The following GABRD variants were observed in gnomAD, a reference collection of about 807,000 sequenced individuals.
The protein encoded by GABRD is gamma-aminobutyric acid type A receptor subunit delta.
In GABRD, 25 loss-of-function variants were observed where a neutral mutation model predicts 47.3. The ratio of observed to expected loss-of-function variants is 0.53; its 90% CI spans 0.39 to 0.74. GABRD has a LOEUF of 0.74. Ranked by LOEUF, GABRD falls within the 30% of genes least tolerant of loss-of-function variation. The pLI, the probability that GABRD is intolerant of heterozygous loss-of-function variation, is 0.00. For missense variants in GABRD, 497 were observed against 643.4 expected, an observed-to-expected ratio of 0.77 and a Z score of 2.46; for synonymous variants, 314 against 278.8, an observed-to-expected ratio of 1.13 and a Z score of -1.26.
rs539803783 is a variant in GABRD, at chr1:2,024,562, C to A, written c.69-380C>A. ...CAGGGAGACCTCTTTGGTGAGGGACCCCAGGGGTGGAGACCCGAGGCCGGC... is the reference window on the plus strand; with the variant it reads ...CAGGGAGACCTCTTTGGTGAGGGACACCAGGGGTGGAGACCCGAGGCCGGC... On this transcript the variant is annotated intron_variant, in intron 1 of 8. Coordinates refer to ENST00000378585, the MANE Select transcript of GABRD (RefSeq NM_000815.5). 3.6e-5 allele frequency: 6 copies of A among 168,132 alleles called. No homozygotes were observed. In the East Asian group the frequency reaches 1.0e-3, roughly 29 times the overall value. 10.4% of individuals were successfully genotyped at this position (168,132 alleles called of 1,614,324 possible). A position where few individuals can be genotyped will look rare whatever the true frequency, so the allele number is the denominator to read the frequency against.
At chr1:2,023,554 A>G (rs1011627978) in intron 1 of GABRD, 18 of 152,278 alleles carry the variant, frequency 1.2e-4, no homozygotes, top group African/African-American at 4.3e-4. Context: ...GTAGCCCAGC[A>G]TAGGGCACCC....
Position 2,022,932 on chromosome 1 carries a change from C to G in GABRD, c.69-2010C>G, listed in dbSNP as rs374844139. Among the ~76,000 whole-genome samples, 326 of 152,280 alleles carry G rather than the reference C, an allele frequency of 2.1e-3. 6 individuals are homozygous for G. In the South Asian group the frequency reaches 0.037, roughly 17 times the overall value. ...TTCAAAGTCCAAATCTTTGAAAGGC[C>G]AGTGTGTAAAACAAGAAGAAAAGTG... On this transcript the variant is annotated intron_variant, in intron 1 of 8. Transcript: ENST00000378585.
chr1:2,025,011 G>A lies in GABRD; in HGVS notation c.138G>A (p.Gly46=). 6.2e-7 allele frequency: 1 copy of A among 1,612,810 alleles called. No homozygotes were observed. Among genetic ancestry groups the A allele is most frequent in the Non-Finnish European group, 8.5e-7 (1 of 1,179,850 alleles). The change falls in exon 2 of 9, where the codon GGG becomes GGA. Residue 46 remains glycine (G), a synonymous_variant. Transcript: ENST00000378585. ...TCTCCTGGCTCCCCAACCTGGACGG[G>A]CTGATAGCCGGCTACGCCCGCAACT... ...LEISWLPNLD[G]LIAGYARNFR...
In GABRD at chr1:2,019,355, C is replaced by A. The variant is rs923290146; in HGVS notation, c.-69C>A. 9 of 871,620 alleles carry A rather than the reference C, an allele frequency of 1.0e-5. No individual in the cohort carries two copies. Among genetic ancestry groups the A allele is most frequent in the Middle Eastern group, 5.7e-4 (1 of 1,752 alleles). The allele number at this position is 871,620 out of a possible 1,614,324, so 54.0% of individuals were successfully genotyped here. ...GCGCCGCGCTCGCTCAGCTCCCGCC[C>A]GCCTGTGCCGCCTGTGCGGCCGCCG... On this transcript the variant is annotated 5_prime_UTR_variant, in exon 1 of 9. Coordinates refer to ENST00000378585, the MANE Select transcript of GABRD (RefSeq NM_000815.5).
chr1:2,029,067 G>A (rs1659010174), intron 6 of GABRD, 44 bp from the exon 7 acceptor site: 1 of 1,535,790 alleles, frequency 6.5e-7, no homozygotes, highest in East Asian at 2.4e-5. Flanking sequence ...TGGTTGGGCT[G>A]GGCTGGGCAG....
At chr1:2,019,930 C>T (rs1658730428) in intron 1 of GABRD, among the ~76,000 whole-genome samples, 1 of 152,162 alleles carries the variant, frequency 6.6e-6, no homozygotes. Flanking sequence ...TCCCCGTTCC[C>T]CCAGTGAGCT....
rs779789979 is a variant in GABRD at position 2,025,582 on chromosome 1, C to G, written c.314C>G (p.Thr105Ser). 3 of 1,613,060 alleles carry G rather than the reference C, an allele frequency of 1.9e-6. No homozygotes were observed. Among genetic ancestry groups the G allele is most frequent in the Admixed American group, 3.3e-5 (2 of 60,030 alleles). The stretch of plus-strand genomic sequence containing the variant: ...GACAGCAGGCTCTCCTACAACCACA[C>G]CAACGAGACCCTGGGTCTGGACAGC... ...WRDSRLSYNH[T>S]NETLGLDSRF... Residue 105 changes from threonine to serine, a missense_variant, in exon 4 of 9, where the codon ACC (threonine) becomes AGC (serine). Coordinates refer to ENST00000378585, the MANE Select transcript of GABRD (RefSeq NM_000815.5).
rs1354198415 is a variant in GABRD at position 2,028,668 on chromosome 1, C to G, written c.691+376C>G. 6.6e-6 allele frequency among the ~76,000 whole-genome samples: 1 copy of G among 152,200 alleles called. No homozygotes were observed. On this transcript the variant is annotated intron_variant, in intron 6 of 8. Coordinates refer to ENST00000378585, the MANE Select transcript of GABRD (RefSeq NM_000815.5). This position sits in a 1 kb window ranked among gnomAD's most constrained non-coding sequence, Gnocchi z 6.4. ...CTGCAGGGCTCAGGAGCCAAGCTTT[C>G]CTTGGCTACCTTGTCTCCCAGCCCC...
intron 7 of GABRD, 42 bp downstream of exon 7, chr1:2,029,308 G>T: frequency 6.5e-7 from 1 of 1,533,950 alleles, no homozygotes; most frequent in Non-Finnish European, 8.7e-7. Flanking sequence ...TGGAAGGGCG[G>T]CCCTGGGGAA....
rs771923214 is a variant in GABRD at position 2,025,341 on chromosome 1, C to A, written c.189C>A (p.Pro63=). 3.1e-6 allele frequency: 5 copies of A among 1,613,092 alleles called. No homozygotes were observed. The highest frequency in any genetic ancestry group is 4.2e-6 in the Non-Finnish European group (5 of 1,179,990). The change falls in exon 3 of 9, where the codon CCC becomes CCA. Residue 63 remains proline, a synonymous_variant. Coordinates refer to ENST00000378585, the MANE Select transcript of GABRD (RefSeq NM_000815.5). ...RNFRPGIGGP[P]VNVALALEVA... is the part of the protein sequence containing the mutation. ...TCTGCTCTTTCCTTGCAGGCCCCCC[C>A]GTGAATGTGGCCCTTGCCCTGGAGG...
In GABRD at chr1:2,028,674, C is replaced by A. The variant is rs1658998816; in HGVS notation, c.691+382C>A. Among the ~76,000 whole-genome samples the A allele has an allele frequency of 6.6e-6, 1 of 152,204 alleles. No homozygotes were observed. The highest frequency in any genetic ancestry group is 1.5e-5 in the Non-Finnish European group (1 of 68,038). On this transcript the variant is annotated intron_variant, in intron 6 of 8. Coordinates refer to ENST00000378585, the MANE Select transcript of GABRD (RefSeq NM_000815.5). This position sits in a 1 kb window ranked among gnomAD's most constrained non-coding sequence, Gnocchi z 6.4. ...GGCTCAGGAGCCAAGCTTTCCTTGG[C>A]TACCTTGTCTCCCAGCCCCACTTTC...
rs953785614 is a variant in GABRD at position 2,030,463 on chromosome 1, G to A, written c.*181G>A. On this transcript the variant is annotated 3_prime_UTR_variant, in exon 9 of 9. Transcript: ENST00000378585. ...CTGAGCTCTGACCCCAGCCTCACCC[G>A]AAAGGCCAGCCTGGGGCTCTCCGGC... is the stretch of plus-strand genomic sequence containing the variant. 11 of 502,118 alleles carry A rather than the reference G, an allele frequency of 2.2e-5. No individual in the cohort carries two copies. Among genetic ancestry groups the A allele is most frequent in the African/African-American group, 1.2e-4 (6 of 50,228 alleles). 31.1% of individuals were successfully genotyped at this position (502,118 alleles called of 1,614,324 possible). A position where few individuals can be genotyped will look rare whatever the true frequency, so the allele number is the denominator to read the frequency against.
Position 2,030,073 on chromosome 1 carries a change from C to G in GABRD, c.1150C>G (p.Pro384Ala). Residue 384 changes from proline (P) to alanine (A), a missense_variant, in exon 9 of 9, where the codon CCG (proline) becomes GCG (alanine). Around this residue, in one of 3 missense-constraint regions of GABRD, gnomAD observed 121 missense variants for 121.3 expected, o/e 1.00. Coordinates refer to ENST00000378585, the MANE Select transcript of GABRD (RefSeq NM_000815.5). ...LAISRRQRRVPGNLMGSYRSV... is the reference protein window; with the variant it reads ...LAISRRQRRVAGNLMGSYRSV... ...CATCTCCCGCCGGCAGCGCCGCGTC[C>G]CGGGGAACCTGATGGGCTCCTACAG... is the stretch of plus-strand genomic sequence containing the variant. The G allele has an allele frequency of 6.2e-7, 1 of 1,608,990 alleles. No individual in the cohort carries two copies. Among genetic ancestry groups the G allele is most frequent in the Non-Finnish European group, 8.5e-7 (1 of 1,178,140 alleles).
In GABRD at chr1:2,029,160, C is replaced by A. The variant is rs374321464; in HGVS notation, c.741C>A (p.Arg247=). The change falls in exon 7 of 9, where the codon CGC becomes CGA. Residue 247 remains arginine (R), a synonymous_variant. Coordinates refer to ENST00000378585, the MANE Select transcript of GABRD (RefSeq NM_000815.5). The stretch of plus-strand genomic sequence containing the variant: ...TGCACTTCCACCTGCGGAGGAACCG[C>A]GGCGTGTACATCATCCAATCCTACA... The part of the protein sequence containing the change: ...LSLHFHLRRN[R]GVYIIQSYMP... 1.3e-6 allele frequency: 2 copies of A among 1,549,626 alleles called. No individual in the cohort carries two copies. The highest frequency in any genetic ancestry group is 2.7e-5 in the African/African-American group (2 of 73,130).
At position 2,028,038 on chromosome 1, in the gene GABRD, G is replaced by C; in HGVS notation, c.554-117G>C. 8.4e-7 allele frequency: 1 copy of C among 1,195,162 alleles called. No homozygotes were observed. Among genetic ancestry groups the C allele is most frequent in the Non-Finnish European group, 1.2e-6 (1 of 856,128 alleles). 74.0% of individuals were successfully genotyped at this position (1,195,162 alleles called of 1,614,324 possible). A position where few individuals can be genotyped will look rare whatever the true frequency, so the allele number is the denominator to read the frequency against. On this transcript the variant is annotated intron_variant, in intron 5 of 8. Coordinates refer to ENST00000378585, the MANE Select transcript of GABRD (RefSeq NM_000815.5). This position sits in a 1 kb window ranked among gnomAD's most constrained non-coding sequence, Gnocchi z 6.4. ...CTCGCTCCTGGCTGGGGTCCTGCTC[G>C]GTCCCCATCACGATGGCGTCGGCCC...
At chr1:2,029,443 A>G (rs1659022181) in intron 7 of GABRD, 108 bp from the exon 8 acceptor site, 2 of 793,798 alleles carry the variant, frequency 2.5e-6, no homozygotes, top group Non-Finnish European at 3.9e-6. Context: ...TGGGGTGGGC[A>G]TGGGGGTGGG....
rs28437090 is a variant in GABRD, at chr1:2,027,583, C to T, written c.477C>T (p.Thr159=). 3.7e-6 allele frequency: 6 copies of T among 1,613,390 alleles called. No homozygotes were observed. The East Asian group carries it at 6.7e-5, about 18-fold the overall frequency. Residue 159 remains threonine, a synonymous_variant, in exon 5 of 9, where the codon ACC becomes ACT. Transcript: ENST00000378585. ...GCCATGCTTGTCTTGGCAGAATCAC[C>T]TCCACTGTGGCCTGCGACATGGACC... is the stretch of plus-strand genomic sequence containing the variant. ...DGVILYSIRI[T]STVACDMDLA...
intron 1 of GABRD, 94 bp downstream of exon 1, chr1:2,019,585 C>A: frequency 1.4e-6 from 1 of 738,036 alleles, no homozygotes; most frequent in Non-Finnish European, 1.7e-6. Flanking sequence ...CGGCGCGAGC[C>A]CCGGGCCCCG....
Position 2,028,814 on chromosome 1 carries a change from C to T in GABRD, c.692-297C>T. On this transcript the variant is annotated intron_variant, in intron 6 of 8. Coordinates refer to ENST00000378585, the MANE Select transcript of GABRD (RefSeq NM_000815.5). This position sits in a 1 kb window ranked among gnomAD's most constrained non-coding sequence, Gnocchi z 6.4. ...TAGGAGAGAAAGGGGTGAGCCCTCC[C>T]CATTGGTTGCGAGGGTCCCTCAGGG... 2.1e-6 allele frequency: 1 copy of T among 478,024 alleles called. No individual in the cohort carries two copies. Among genetic ancestry groups the T allele is most frequent in the Non-Finnish European group, 3.7e-6 (1 of 269,114 alleles). 29.6% of individuals were successfully genotyped at this position (478,024 alleles called of 1,614,324 possible).
Sources: allele counts gnomAD v4.1 joint callset (sites outside exome capture counted in the v4.1 genomes callset), GRCh38; gene constraint gnomAD v4.1.1; regional missense constraint gnomAD v4.1.1; non-coding constraint Gnocchi (gnomAD v3.1); transcripts MANE v1.5; gene names NCBI Gene and HGNC (gene_info 2026-07-23, HGNC 2026-07-21).